MKLN1: variants seen among roughly 807,000 people sequenced by gnomAD.
MKLN1 encodes muskelin.
Under a neutral mutation model 99.0 loss-of-function variants are expected in MKLN1, and 18 were observed. That is an observed-to-expected ratio of 0.18 (90% CI 0.13 to 0.27). The LOEUF (loss-of-function observed/expected upper bound fraction) is 0.27. Among genes scored for constraint, MKLN1 ranks in the 10% least tolerant of loss-of-function variants. The probability of loss-of-function intolerance (pLI) is 1.00; values close to 1 mark genes in which losing one functional copy is unlikely to be tolerated. For synonymous variants in MKLN1, 288 were observed against 293.2 expected, an observed-to-expected ratio of 0.98 and a Z score of 0.18; for missense variants, 621 against 875.9, an observed-to-expected ratio of 0.71 and a Z score of 3.67.
intron 1 of MKLN1, among the ~76,000 whole-genome samples, chr7:131,114,963 A>C (rs1432849225): frequency 6.6e-6 from 1 of 151,996 alleles, no homozygotes; most frequent in Non-Finnish European, 1.5e-5. Context: ...CAAAGCAAAG[A>C]AAAAGAGGAC....
chr7:131,133,288 C>T (rs1461933410), intron 1 of MKLN1, among the ~76,000 whole-genome samples: 4 of 151,538 alleles, frequency 2.6e-5, no homozygotes, highest in Non-Finnish European at 4.4e-5. Context: ...TCACTCAAGC[C>T]ACTCCAGGCT....
chr7:131,244,221 T>C (rs2116500413), intron 3 of MKLN1, among the ~76,000 whole-genome samples: 1 of 152,294 alleles, frequency 6.6e-6, no homozygotes, highest in African/African-American at 2.4e-5. Flanking sequence ...TGGGTGTCAC[T>C]AGAGAATACT....
chr7:131,283,099 T>G (rs576912123), intron 3 of MKLN1, among the ~76,000 whole-genome samples: 3 of 152,262 alleles, frequency 2.0e-5, no homozygotes, highest in African/African-American at 7.2e-5. Flanking sequence ...GGCTCTTCAG[T>G]GTCATTTATG....
chr7:131,472,587 A>T (rs1158669260), intron 16 of MKLN1, among the ~76,000 whole-genome samples: 2 of 86,124 alleles, frequency 2.3e-5, no homozygotes, highest in East Asian at 6.7e-4. Context: ...GAAATGTTGA[A>T]GTGTGTATGT....
intron 2 of MKLN1, among the ~76,000 whole-genome samples, chr7:131,180,599 C>G (rs910490813): frequency 6.6e-6 from 1 of 150,978 alleles, no homozygotes; most frequent in African/African-American, 2.4e-5. Flanking sequence ...CTCAGGAGAC[C>G]GAGGCAGGAG....
chr7:131,226,640 G>T (rs1353773253), intron 3 of MKLN1, among the ~76,000 whole-genome samples: 1 of 152,194 alleles, frequency 6.6e-6, no homozygotes, highest in African/African-American at 2.4e-5. Flanking sequence ...GGGAGCAGGG[G>T]ATTGTATTTG....
At chr7:131,378,342 C>T (rs1490184273) in intron 2 of MKLN1, among the ~76,000 whole-genome samples, 1 of 152,176 alleles carries the variant, frequency 6.6e-6, no homozygotes, top group African/African-American at 2.4e-5. Flanking sequence ...GAATTCCTGA[C>T]CTCAGGTGAT....
At chr7:131,216,162 G>A (rs1456041493) in intron 3 of MKLN1, among the ~76,000 whole-genome samples, 1 of 152,130 alleles carries the variant, frequency 6.6e-6, no homozygotes, top group African/African-American at 2.4e-5. Context: ...CAGTTTGGGA[G>A]GCAGAGGCAG....
intron 3 of MKLN1, among the ~76,000 whole-genome samples, chr7:131,301,981 C>A (rs1341629664): frequency 6.6e-6 from 1 of 152,174 alleles, no homozygotes; most frequent in Admixed American, 6.5e-5. Flanking sequence ...TCTGATATGA[C>A]AACTTTCATG....
chr7:131,133,794 A>C, intron 1 of MKLN1, among the ~76,000 whole-genome samples: 1 of 88,480 alleles, frequency 1.1e-5, no homozygotes, highest in Non-Finnish European at 2.5e-5. Flanking sequence ...GCCCAGGTTG[A>C]CTTCTTTTTT....
chr7:131,294,600 G>A (rs1352550173), intron 3 of MKLN1, among the ~76,000 whole-genome samples: 1 of 152,178 alleles, frequency 6.6e-6, no homozygotes, highest in Non-Finnish European at 1.5e-5. Context: ...CCTGGGAAAT[G>A]AGCTAGCTCA....
chr7:131,412,653 A>T (rs1794912570), intron 7 of MKLN1, among the ~76,000 whole-genome samples: 1 of 151,998 alleles, frequency 6.6e-6, no homozygotes, highest in South Asian at 2.1e-4. Context: ...TGAATACCTT[A>T]TTTTCATATA....
At chr7:131,188,313 C>A (rs1796482596) in intron 2 of MKLN1, among the ~76,000 whole-genome samples, 1 of 152,236 alleles carries the variant, frequency 6.6e-6, no homozygotes, top group African/African-American at 2.4e-5. Flanking sequence ...CTTAAAATTG[C>A]ATGGCATATA....
chr7:131,163,919 A>T (rs1311297745), intron 2 of MKLN1, among the ~76,000 whole-genome samples: 1 of 152,202 alleles, frequency 6.6e-6, no homozygotes, highest in Non-Finnish European at 1.5e-5. Context: ...ACCGAAGAGG[A>T]TGCCCAGTTT....
At chr7:131,147,530 T>G (rs1306218289) in intron 2 of MKLN1, among the ~76,000 whole-genome samples, 1 of 152,176 alleles carries the variant, frequency 6.6e-6, no homozygotes, top group Non-Finnish European at 1.5e-5. Context: ...TTGCCCACAT[T>G]GATTGAGTGT....
intron 3 of MKLN1, among the ~76,000 whole-genome samples, chr7:131,206,963 A>G (rs751783991): frequency 2.6e-5 from 4 of 152,142 alleles, no homozygotes; most frequent in Non-Finnish European, 4.4e-5. Context: ...TTAAGGGTCT[A>G]TGGACGTCTG....
chr7:131,408,591 G>A (rs1412752080), intron 6 of MKLN1, among the ~76,000 whole-genome samples: 1 of 152,042 alleles, frequency 6.6e-6, no homozygotes, highest in Non-Finnish European at 1.5e-5. Context: ...TTTGGTGAAA[G>A]CTTCCTAAAT....
rs537402861 is a variant in MKLN1 at position 131,460,418 on chromosome 7, T to A, written c.1526-2799T>A. 2.0e-5 allele frequency among the ~76,000 whole-genome samples: 3 copies of A among 152,352 alleles called. No homozygotes were observed. In the South Asian group the frequency reaches 6.2e-4, roughly 32 times the overall value. On this transcript the variant is annotated intron_variant, in intron 12 of 17. Transcript: ENST00000352689. Reference sequence around the variant, plus strand: ...CTCATAAATGAGACACTGATCAAGGTCTTGTATAAGTGCACAGCACATACT... The same window carrying A: ...CTCATAAATGAGACACTGATCAAGGACTTGTATAAGTGCACAGCACATACT...
chr7:131,478,721 T>C (rs773289950), intron 17 of MKLN1, 44 bp downstream of exon 17: 5 of 1,603,698 alleles, frequency 3.1e-6, no homozygotes, highest in Non-Finnish European at 4.3e-6. Flanking sequence ...GCCCTAGCAT[T>C]TGGAAGGTTG....
Sources: gnomAD v4.1 joint callset for allele counts (sites outside exome capture counted in the v4.1 genomes callset) on GRCh38, gnomAD v4.1.1 for gene constraint, MANE v1.5 for transcripts, NCBI Gene and HGNC (gene_info 2026-07-23, HGNC 2026-07-21) for gene names.